The following PLEKHG4B variants were observed in gnomAD, a reference collection of about 807,000 sequenced individuals.
PLEKHG4B encodes the protein pleckstrin homology and RhoGEF domain containing G4B.
PLEKHG4B carries 111 observed loss-of-function variants against 121.3 expected under a neutral mutation model. The observed-to-expected ratio is 0.92, with a 90% CI of 0.78 to 1.07. PLEKHG4B has a LOEUF of 1.07. Ranked by LOEUF, PLEKHG4B falls within the 50% of genes least tolerant of loss-of-function variation. PLEKHG4B has a pLI of 0.00. For missense variants in PLEKHG4B, 1,831 were observed against 1,757.8 expected (o/e 1.04, Z -0.74); for synonymous variants, 738 against 725.0 (o/e 1.02, Z -0.29).
At chr5:134,091 A>AG (rs1348215619) in intron 2 of PLEKHG4B, among the ~76,000 whole-genome samples, 4 of 108,064 alleles carry the variant, frequency 3.7e-5, no homozygotes, top group African/African-American at 1.7e-4. Context: ...ATATATATAT[A>AG]TATATATATA....
intron 1 of PLEKHG4B, among the ~76,000 whole-genome samples, chr5:102,105 G>C (rs1177395508): frequency 6.8e-6 from 1 of 147,528 alleles, no homozygotes; most frequent in African/African-American, 2.6e-5. Flanking sequence ...ATAGGGGAGA[G>C]ACTGTTGTGA....
chr5:169,701 C>A, intron 14 of PLEKHG4B, 109 bp downstream of exon 14: 1 of 1,488,416 alleles, frequency 6.7e-7, no homozygotes, highest in South Asian at 1.3e-5. Context: ...TAGCTTCAGT[C>A]CAGGTCTAGG....
At chr5:142,938 A>C in intron 3 of PLEKHG4B, 109 bp from the exon 4 acceptor site, 1 of 1,050,660 alleles carries the variant, frequency 9.5e-7, no homozygotes. Flanking sequence ...GGAACCCCCT[A>C]CTTTCATGCG....
chr5:113,237 C>G lies in PLEKHG4B; in HGVS notation c.46-14C>G. On this transcript the variant is annotated splice_polypyrimidine_tract_variant and intron_variant, in intron 1 of 19. Coordinates refer to ENST00000637938, the MANE Select transcript of PLEKHG4B (RefSeq NM_052909.5). This position sits in a 1 kb window ranked among gnomAD's most constrained non-coding sequence, Gnocchi z 5.2. ...TATGTCCCTAAAGTTTCTGAATTCT[C>G]TCTTTCATTTCAGGATCTGGAATCT... is the stretch of plus-strand genomic sequence containing the variant. 1 of 399,160 alleles carries G rather than the reference C, an allele frequency of 2.5e-6. No individual in the cohort carries two copies. Among genetic ancestry groups the G allele is most frequent in the Non-Finnish European group, 4.4e-6 (1 of 226,158 alleles). The allele number at this position is 399,160 out of a possible 1,614,324, so 24.7% of individuals were successfully genotyped here.
intron 1 of PLEKHG4B, among the ~76,000 whole-genome samples, chr5:108,523 C>T (rs924035509): frequency 5.6e-5 from 8 of 142,050 alleles, no homozygotes; most frequent in African/African-American, 2.1e-4. Flanking sequence ...TGTAGACAGA[C>T]TGGGTGCAGA....
intron 6 of PLEKHG4B, among the ~76,000 whole-genome samples, chr5:149,473 C>T (rs1277929632): frequency 6.6e-6 from 1 of 152,008 alleles, no homozygotes; most frequent in East Asian, 1.9e-4. Flanking sequence ...CCCAGGAGGT[C>T]AAGGCTGCAG....
chr5:102,977 C>T (rs1316086895), intron 1 of PLEKHG4B, among the ~76,000 whole-genome samples: 1 of 152,194 alleles, frequency 6.6e-6, no homozygotes, highest in Admixed American at 6.5e-5. Context: ...CTTGCTAGCA[C>T]ATCTGGCTGA....
chr5:178,117 G>C (rs1197204141), intron 18 of PLEKHG4B, among the ~76,000 whole-genome samples: 4 of 152,140 alleles, frequency 2.6e-5, no homozygotes, highest in Non-Finnish European at 5.9e-5. Flanking sequence ...CCCTTTTCTG[G>C]TGGGGTCCCC....
At chr5:178,746 C>G (rs1736840176) in intron 18 of PLEKHG4B, among the ~76,000 whole-genome samples, 1 of 152,170 alleles carries the variant, frequency 6.6e-6, no homozygotes, top group Non-Finnish European at 1.5e-5. Flanking sequence ...TGCCTTTTGC[C>G]TTAGATCTAC....
At chr5:138,623 A>G (rs1403230301) in intron 2 of PLEKHG4B, among the ~76,000 whole-genome samples, 2 of 152,324 alleles carry the variant, frequency 1.3e-5, no homozygotes, top group Non-Finnish European at 1.5e-5. Context: ...AGCTGAGCTG[A>G]GAATGGGCCT....
chr5:97,585 C>T lies in PLEKHG4B; in HGVS notation c.45+5309C>T, dbSNP rs140870691. ...TGTGTCTGGTTTCTTTCACTTAGCA[C>T]GACGTTTGTGAACCTCATCTGTTGC... is the stretch of plus-strand genomic sequence containing the variant. On this transcript the variant is annotated intron_variant, in intron 1 of 19. Transcript: ENST00000637938. 5.6e-3 allele frequency among the ~76,000 whole-genome samples: 857 copies of T among 152,316 alleles called. 12 individuals are homozygous for T. Among genetic ancestry groups the T allele is most frequent in the African/African-American group, 0.02 (815 of 41,566 alleles).
rs1428387539 is a variant in PLEKHG4B at position 186,620 on chromosome 5, G to C, written c.*4297G>C. On this transcript the variant is annotated 3_prime_UTR_variant, in exon 20 of 20. Transcript: ENST00000637938. ...GCGGAGTCGTCGCCAAGCACGTGGA[G>C]GGACAGCCCTGGAGCCCTGGCCTGG... The C allele has an allele frequency of 1.3e-5, 2 of 152,484 alleles. No individual in the cohort carries two copies. The highest frequency in any genetic ancestry group is 2.9e-5 in the Non-Finnish European group (2 of 68,222). The allele number at this position is 152,484 out of a possible 1,614,324, so 9.4% of individuals were successfully genotyped here. A position where few individuals can be genotyped will look rare whatever the true frequency, so the allele number is the denominator to read the frequency against.
chr5:163,466 C>G lies in PLEKHG4B; in HGVS notation c.3394C>G (p.Pro1132Ala), dbSNP rs774992503. The G allele has an allele frequency of 6.2e-7, 1 of 1,612,828 alleles. No individual in the cohort carries two copies. The highest frequency in any genetic ancestry group is 1.1e-5 in the South Asian group (1 of 91,082). Residue 1132 changes from proline (P) to alanine (A), a missense_variant, in exon 13 of 20, where the codon CCC (proline) becomes GCC (alanine). Coordinates refer to ENST00000637938, the MANE Select transcript of PLEKHG4B (RefSeq NM_052909.5). Reference protein sequence around the residue: ...KLPLWQHARSPPVTQSRSLSS... With the variant: ...KLPLWQHARSAPVTQSRSLSS... Reference sequence around the variant, plus strand: ...CCCGCTGTGGCAGCATGCCAGGAGCCCCCCGGTCACTCAGAGCCGGAGTCT... The same window carrying G: ...CCCGCTGTGGCAGCATGCCAGGAGCGCCCCGGTCACTCAGAGCCGGAGTCT...
chr5:180,856 A>G (rs1736909696), intron 18 of PLEKHG4B, among the ~76,000 whole-genome samples: 1 of 152,094 alleles, frequency 6.6e-6, no homozygotes, highest in South Asian at 2.1e-4. Flanking sequence ...TTTGCACATT[A>G]CCTATTGGTG....
intron 18 of PLEKHG4B, among the ~76,000 whole-genome samples, chr5:180,768 A>C (rs1279079982): frequency 1.3e-5 from 2 of 151,910 alleles, no homozygotes; most frequent in African/African-American, 2.4e-5. Context: ...TCACTGCCCA[A>C]CTCCAAGCCC....
intron 13 of PLEKHG4B, among the ~76,000 whole-genome samples, chr5:164,564 C>CGGGGCGG (rs1560944790): frequency 0.027 from 1,676 of 62,568 alleles, 298 homozygotes; most frequent in African/African-American, 0.047. Context: ...AATGCTCTGA[C>CGGGGCGG]AGGGGGCGGA....
chr5:143,183 CCCCAGCCAGGTG>C lies in PLEKHG4B; in HGVS notation c.1619_1630del (p.Ser540_Pro543del). On this transcript the variant is annotated inframe_deletion, in exon 4 of 20. Coordinates refer to ENST00000637938, the MANE Select transcript of PLEKHG4B (RefSeq NM_052909.5). ...GGTGGCCACCCGGCACAGGAGACTT[CCCCAGCCAGGTG>C]CCCAAGCAGGTGCTGGACGTCAGTC... 1 of 1,611,846 alleles carries C rather than the reference CCCCAGCCAGGTG, an allele frequency of 6.2e-7. No homozygotes were observed. The highest frequency in any genetic ancestry group is 8.5e-7 in the Non-Finnish European group (1 of 1,179,992).
At chr5:177,840 G>A (rs1364847563) in intron 18 of PLEKHG4B, among the ~76,000 whole-genome samples, 8 of 152,286 alleles carry the variant, frequency 5.3e-5, no homozygotes, top group Admixed American at 2.0e-4. Context: ...AGGATGCGCC[G>A]TGTGCTTAGG....
In PLEKHG4B at chr5:140,058, G is replaced by T; in HGVS notation, c.819G>T (p.Glu273Asp). The part of the protein sequence containing the change: ...LRHLPYPERA[E>D]LGSPRTLSGS... Reference sequence around the variant, plus strand: ...ACCTTCCTTATCCAGAAAGAGCCGAGCTGGGAAGCCCCAGGACCCTGTCTG... The same window carrying T: ...ACCTTCCTTATCCAGAAAGAGCCGATCTGGGAAGCCCCAGGACCCTGTCTG... The change falls in exon 3 of 20, where the codon GAG becomes GAT. Residue 273 changes from glutamate to aspartate, a missense_variant. Coordinates refer to ENST00000637938, the MANE Select transcript of PLEKHG4B (RefSeq NM_052909.5). 2.3e-6 allele frequency: 1 copy of T among 440,512 alleles called. No homozygotes were observed. Among genetic ancestry groups the T allele is most frequent in the Non-Finnish European group, 4.0e-6 (1 of 251,178 alleles). 27.3% of individuals were successfully genotyped at this position (440,512 alleles called of 1,614,324 possible).
Sources: gnomAD v4.1 joint callset for allele counts (sites outside exome capture counted in the v4.1 genomes callset) on GRCh38, gnomAD v4.1.1 for gene constraint, Gnocchi (gnomAD v3.1) non-coding constraint, MANE v1.5 for transcripts, NCBI Gene and HGNC (gene_info 2026-07-23, HGNC 2026-07-21) for gene names.